The following ITPR2 variants were observed in gnomAD, a reference collection of about 807,000 sequenced individuals.
ITPR2 encodes the protein inositol 1,4,5-trisphosphate receptor type 2.
A neutral mutation model predicts 317.1 loss-of-function variants in ITPR2; 207 were observed. The observed-to-expected ratio is 0.65, with a 90% CI of 0.58 to 0.73. The LOEUF is 0.73. Ranked by LOEUF, ITPR2 falls within the 30% of genes least tolerant of loss-of-function variation. The pLI is 0.00. For synonymous variants in ITPR2, 1,156 were observed against 1,149.1 expected (o/e 1.01, Z -0.12); for missense variants, 2,613 against 3,284.0 (o/e 0.80, Z 4.99).
At chr12:26,806,000 G>A (rs1159985461) in intron 1 of ITPR2, among the ~76,000 whole-genome samples, 1 of 152,110 alleles carries the variant, frequency 6.6e-6, no homozygotes, top group Non-Finnish European at 1.5e-5. Context: ...ATAGACTGGT[G>A]GGGAAGAGAG....
At chr12:26,361,438 T>C (rs1938828330) in intron 55 of ITPR2, among the ~76,000 whole-genome samples, 1 of 152,088 alleles carries the variant, frequency 6.6e-6, no homozygotes, top group Non-Finnish European at 1.5e-5. Context: ...CCCCACCCCA[T>C]TGCATCATAA....
chr12:26,609,561 A>G (rs1352193839), intron 26 of ITPR2, among the ~76,000 whole-genome samples: 1 of 152,080 alleles, frequency 6.6e-6, no homozygotes, highest in Non-Finnish European at 1.5e-5. Context: ...CTGTGATTGC[A>G]CCACTGCACT....
intron 45 of ITPR2, among the ~76,000 whole-genome samples, chr12:26,468,873 C>CAT (rs1199831018): frequency 1.3e-5 from 2 of 152,160 alleles, no homozygotes; most frequent in Non-Finnish European, 2.9e-5. Context: ...CATATAAAAA[C>CAT]ATATGTAGAT....
chr12:26,541,159 A>AAAG (rs1944247898), intron 37 of ITPR2, among the ~76,000 whole-genome samples: 1 of 151,016 alleles, frequency 6.6e-6, no homozygotes, highest in South Asian at 2.1e-4. Flanking sequence ...AAAAAAAAAA[A>AAAG]AAAAAAAATT....
Position 26,621,287 on chromosome 12 carries a change from G to C in ITPR2, c.3298C>G (p.Leu1100Val). 1 of 1,607,160 alleles carries C rather than the reference G, an allele frequency of 6.2e-7. No individual in the cohort carries two copies. The highest frequency in any genetic ancestry group is 8.5e-7 in the Non-Finnish European group (1 of 1,176,810). The change falls in exon 26 of 57, where the codon CTG becomes GTG. Residue 1100 changes from leucine (L) to valine (V), a missense_variant. Physicochemically the swap from Leu to Val is conservative, Grantham distance 32. This residue lies in a region of ITPR2 where 817 missense variants were observed against 897.6 expected (regional missense o/e 0.91). Transcript: ENST00000381340. ...TTATCTACGTCTTGATTAGACACCA[G>C]TAATTGCACCTAAAACAGAAGAATT... ...VLQAFKQVQL[L>V]VSNQDVDNYK...
chr12:26,686,489 C>T lies in ITPR2; in HGVS notation c.1140G>A (p.Leu380=). 6.4e-7 allele frequency: 1 copy of T among 1,571,296 alleles called. No homozygotes were observed. Among genetic ancestry groups the T allele is most frequent in the Non-Finnish European group, 8.6e-7 (1 of 1,159,104 alleles). Residue 380 remains leucine, a synonymous_variant, in exon 11 of 57, where the codon CTG becomes CTA. Coordinates refer to ENST00000381340, the MANE Select transcript of ITPR2 (RefSeq NM_002223.4). ...ACCATAATTTTTTTTACCTTGGAAC[C>T]AGGCAGTCAGCTCTCTGAAGAGTTG... ...DATTLQRADC[L]VPRNSYVRLR...
chr12:26,650,095 T>C (rs1202202178), intron 21 of ITPR2, among the ~76,000 whole-genome samples: 1 of 152,150 alleles, frequency 6.6e-6, no homozygotes, highest in African/African-American at 2.4e-5. Context: ...AATTAAGGTA[T>C]CTAGAAGTCA....
rs537484381 is a variant in ITPR2, at chr12:26,639,597, T to C, written c.2741-7538A>G. Among the ~76,000 whole-genome samples, 3 of 150,936 alleles carry C rather than the reference T, an allele frequency of 2.0e-5. No homozygotes were observed. The South Asian group carries it at 6.4e-4, about 32-fold the overall frequency. On this transcript the variant is annotated intron_variant, in intron 21 of 56. Transcript: ENST00000381340. Reference sequence around the variant, plus strand: ...AACTCGTCATTTAACATTAGGTATATCTCCTGATGCTATCCCTCCCCGCTC... The same window carrying C: ...AACTCGTCATTTAACATTAGGTATACCTCCTGATGCTATCCCTCCCCGCTC...
intron 43 of ITPR2, among the ~76,000 whole-genome samples, chr12:26,478,112 A>G (rs1377687382): frequency 6.6e-6 from 1 of 152,082 alleles, no homozygotes; most frequent in African/African-American, 2.4e-5. Context: ...GGTTGTGCAA[A>G]TTAATTCTCC....
At chr12:26,394,540 T>C (rs1403381266) in intron 54 of ITPR2, among the ~76,000 whole-genome samples, 1 of 151,928 alleles carries the variant, frequency 6.6e-6, no homozygotes, top group East Asian at 1.9e-4. Flanking sequence ...AGGTAAGTAA[T>C]GTAGTTGCCC....
intron 37 of ITPR2, among the ~76,000 whole-genome samples, chr12:26,508,931 A>G (rs963937814): frequency 3.3e-5 from 5 of 152,250 alleles, no homozygotes; most frequent in Non-Finnish European, 5.9e-5. Context: ...GGTCCACACA[A>G]GAACTTGTAC....
chr12:26,427,711 A>G (rs1941102432), intron 49 of ITPR2, among the ~76,000 whole-genome samples: 1 of 152,156 alleles, frequency 6.6e-6, no homozygotes, highest in African/African-American at 2.4e-5. Flanking sequence ...TACTTCTTAA[A>G]TATAGCAATC....
At position 26,419,185 on chromosome 12, in the gene ITPR2, C is replaced by T. The variant is rs1367467800; in HGVS notation, c.6974G>A (p.Ser2325Asn). The change falls in exon 50 of 57, where the codon AGT becomes AAT. Residue 2325 changes from serine to asparagine, a missense_variant. Around this residue, in one of 9 missense-constraint regions of ITPR2, gnomAD observed 78 missense variants for 110.3 expected, o/e 0.71. Coordinates refer to ENST00000381340, the MANE Select transcript of ITPR2 (RefSeq NM_002223.4). ...GAACGTGCCACGATTTCCAACAAAA[C>T]TCACCAGAAAAACAATTTTATTACA... Reference protein sequence around the residue: ...NLCNKIVFLVSFVGNRGTFTR... With the variant: ...NLCNKIVFLVNFVGNRGTFTR... 6.2e-7 allele frequency: 1 copy of T among 1,613,602 alleles called. No individual in the cohort carries two copies. The highest frequency in any genetic ancestry group is 1.7e-5 in the Admixed American group (1 of 59,942).
chr12:26,577,388 G>A (rs1177651558), intron 34 of ITPR2, among the ~76,000 whole-genome samples: 1 of 152,202 alleles, frequency 6.6e-6, no homozygotes, highest in African/African-American at 2.4e-5. Flanking sequence ...TATCTGAGGA[G>A]AACTGGCATC....
At chr12:26,475,006 C>T (rs1040721906) in intron 45 of ITPR2, among the ~76,000 whole-genome samples, 3 of 152,084 alleles carry the variant, frequency 2.0e-5, no homozygotes, top group Admixed American at 1.3e-4. Context: ...CTTCAGGACC[C>T]TCATTTTTTG....
intron 37 of ITPR2, among the ~76,000 whole-genome samples, chr12:26,512,957 G>A (rs1295953626): frequency 6.6e-6 from 1 of 151,824 alleles, no homozygotes; most frequent in Non-Finnish European, 1.5e-5. Flanking sequence ...AAGTAGCTGG[G>A]ATTACAGGTG....
At chr12:26,422,816 T>C (rs905818482) in intron 49 of ITPR2, among the ~76,000 whole-genome samples, 3 of 152,206 alleles carry the variant, frequency 2.0e-5, no homozygotes, top group African/African-American at 7.2e-5. Flanking sequence ...ACTGTCTACT[T>C]ATTTATTGAA....
At chr12:26,428,380 G>T (rs926706371) in intron 48 of ITPR2, among the ~76,000 whole-genome samples, 4 of 152,008 alleles carry the variant, frequency 2.6e-5, no homozygotes, top group African/African-American at 9.7e-5. Context: ...AGGGTGATTT[G>T]CTAAATACTT....
At chr12:26,581,764 T>A (rs777459658) in intron 32 of ITPR2, among the ~76,000 whole-genome samples, 1 of 152,196 alleles carries the variant, frequency 6.6e-6, no homozygotes, top group Non-Finnish European at 1.5e-5. Flanking sequence ...TCTTTTAGTA[T>A]CTTCCTAACA....
Sources: gnomAD v4.1 joint callset for allele counts (sites outside exome capture counted in the v4.1 genomes callset) on GRCh38, gnomAD v4.1.1 for gene constraint, gnomAD v4.1.1 regional missense constraint, MANE v1.5 for transcripts, NCBI Gene and HGNC (gene_info 2026-07-23, HGNC 2026-07-21) for gene names.